FOXK2: variants seen among roughly 807,000 people sequenced by gnomAD.
The protein encoded by FOXK2 is forkhead box K2.
Under a neutral mutation model 53.3 loss-of-function variants are expected in FOXK2, and 24 were observed. The observed-to-expected ratio is 0.45, with a 90% CI of 0.33 to 0.63. FOXK2 has a LOEUF of 0.63. Among genes scored for constraint, FOXK2 ranks in the 30% least tolerant of loss-of-function variants. The pLI is 0.03. For missense variants in FOXK2, 952 were observed against 910.5 expected, an observed-to-expected ratio of 1.05 and a Z score of -0.59; for synonymous variants, 505 against 407.1, an observed-to-expected ratio of 1.24 and a Z score of -2.89.
rs1237154764 is a variant in FOXK2 at position 82,602,860 on chromosome 17, C to CTTAG, written c.*1363_*1364insAGTT. The CTTAG allele has an allele frequency of 6.6e-6, 1 of 152,172 alleles. No individual in the cohort carries two copies. Among genetic ancestry groups the CTTAG allele is most frequent in the African/African-American group, 2.4e-5 (1 of 41,394 alleles). The allele number at this position is 152,172 out of a possible 1,614,324, so 9.4% of individuals were successfully genotyped here. A position where few individuals can be genotyped will look rare whatever the true frequency, so the allele number is the denominator to read the frequency against. The stretch of plus-strand genomic sequence containing the variant: ...AGAGGGCGTCAGCCTGATGGCTGAG[C>CTTAG]TTTTAAATGTCATCATCATAACATT... On this transcript the variant is annotated 3_prime_UTR_variant, in exon 9 of 9. Transcript: ENST00000335255.
intron 1 of FOXK2, among the ~76,000 whole-genome samples, chr17:82,525,125 G>A (rs2044404025): frequency 6.6e-6 from 1 of 151,804 alleles, no homozygotes; most frequent in African/African-American, 2.4e-5. Context: ...ACAGATGCCC[G>A]CCACCATGCC....
At chr17:82,585,847 C>T in intron 6 of FOXK2, 57 bp from the exon 7 acceptor site, 6 of 1,553,980 alleles carry the variant, frequency 3.9e-6, no homozygotes, top group South Asian at 1.2e-5. Flanking sequence ...AGTGTGAGAA[C>T]CTTTGTTTGT....
chr17:82,553,699 G>A (rs889212153), intron 1 of FOXK2, among the ~76,000 whole-genome samples: 2 of 152,198 alleles, frequency 1.3e-5, no homozygotes, highest in Admixed American at 1.3e-4. Flanking sequence ...GAGCCCTTAA[G>A]ACATGAACCA....
intron 4 of FOXK2, among the ~76,000 whole-genome samples, chr17:82,573,761 C>A (rs2044950043): frequency 6.6e-6 from 1 of 152,202 alleles, no homozygotes. Context: ...TTACCTGGGG[C>A]TTTGTCAGTG....
At chr17:82,584,582 A>T (rs1279404626) in intron 6 of FOXK2, among the ~76,000 whole-genome samples, 3 of 118,624 alleles carry the variant, frequency 2.5e-5, no homozygotes, top group Non-Finnish European at 4.9e-5. Flanking sequence ...TTTGAGACAG[A>T]GTCTCACTTT....
intron 3 of FOXK2, 78 bp downstream of exon 3, chr17:82,568,279 A>G (rs992358421): frequency 6.5e-6 from 10 of 1,538,780 alleles, no homozygotes; most frequent in African/African-American, 2.8e-5. Flanking sequence ...CCTGCCTGTC[A>G]CTCACCTGCC....
At chr17:82,529,194 T>A (rs2044447218) in intron 1 of FOXK2, among the ~76,000 whole-genome samples, 1 of 151,818 alleles carries the variant, frequency 6.6e-6, no homozygotes, top group Non-Finnish European at 1.5e-5. Flanking sequence ...CCAAAGCATC[T>A]GTTCAAATTA....
chr17:82,556,271 C>G (rs575832439), intron 1 of FOXK2, among the ~76,000 whole-genome samples: 68 of 152,032 alleles, frequency 4.5e-4, no homozygotes, highest in Non-Finnish European at 7.9e-4. Context: ...TGGTGAAACC[C>G]CATCTCTACT....
rs547409117 is a variant in FOXK2, at chr17:82,601,800, G to A, written c.*301G>A. 414 of 288,634 alleles carry A rather than the reference G, an allele frequency of 1.4e-3. No individual in the cohort carries two copies. The highest frequency in any genetic ancestry group is 2.1e-3 in the Non-Finnish European group (319 of 151,196). The allele number at this position is 288,634 out of a possible 1,614,324, so 17.9% of individuals were successfully genotyped here. A position where few individuals can be genotyped will look rare whatever the true frequency, so the allele number is the denominator to read the frequency against. ...GGACCAGGCATCGCTGTGTGAGGAC[G>A]GCACGGCCAGCGCCTGCTGTGAGTG... On this transcript the variant is annotated 3_prime_UTR_variant, in exon 9 of 9. Transcript: ENST00000335255.
intron 8 of FOXK2, among the ~76,000 whole-genome samples, chr17:82,594,760 G>A (rs2045293021): frequency 6.6e-6 from 1 of 152,200 alleles, no homozygotes; most frequent in African/African-American, 2.4e-5. Context: ...AAAGGAGTAG[G>A]AACAGCTGGG....
chr17:82,543,678 G>A (rs540880255), intron 1 of FOXK2, among the ~76,000 whole-genome samples: 4 of 151,908 alleles, frequency 2.6e-5, no homozygotes, highest in African/African-American at 7.2e-5. Flanking sequence ...GTGCAGTGGT[G>A]TGATCATGGC....
chr17:82,552,945 T>C (rs1269008494), intron 1 of FOXK2, among the ~76,000 whole-genome samples: 5 of 152,208 alleles, frequency 3.3e-5, no homozygotes, highest in African/African-American at 9.7e-5. Context: ...TTTCTTTCTT[T>C]TTTATTTTTG....
At chr17:82,595,510 T>C (rs2045300918) in intron 8 of FOXK2, among the ~76,000 whole-genome samples, 1 of 152,158 alleles carries the variant, frequency 6.6e-6, no homozygotes, top group Non-Finnish European at 1.5e-5. Context: ...ACCGTGCTGC[T>C]CAGGCTGGTC....
intron 1 of FOXK2, among the ~76,000 whole-genome samples, chr17:82,532,422 G>C (rs2044480705): frequency 6.6e-6 from 1 of 152,092 alleles, no homozygotes; most frequent in African/African-American, 2.4e-5. Flanking sequence ...GGGATTACAG[G>C]CGTGAGCCAC....
At chr17:82,526,955 A>G (rs1419503231) in intron 1 of FOXK2, among the ~76,000 whole-genome samples, 2 of 152,180 alleles carry the variant, frequency 1.3e-5, no homozygotes, top group Non-Finnish European at 2.9e-5. Context: ...TGTTGTTTGA[A>G]GAGCTGAGCA....
intron 8 of FOXK2, among the ~76,000 whole-genome samples, chr17:82,591,424 A>T (rs74000000): frequency 0.065 from 9,857 of 151,832 alleles, 345 homozygotes; most frequent in East Asian, 0.13. Flanking sequence ...AGGGCCCCAA[A>T]CCCTGTGCAG....
intron 2 of FOXK2, 95 bp from the exon 3 acceptor site, chr17:82,567,950 ACATTTCTGT>A: frequency 6.9e-6 from 4 of 579,340 alleles, no homozygotes; most frequent in Non-Finnish European, 9.8e-6. Flanking sequence ...TTTTTTTTTA[ACATTTCTGT>A]ATTTGTTATC....
At chr17:82,571,624 A>C in intron 3 of FOXK2, 100 bp from the exon 4 acceptor site, 1 of 1,223,360 alleles carries the variant, frequency 8.2e-7, no homozygotes, top group Non-Finnish European at 1.1e-6. Flanking sequence ...ATGAGGTATC[A>C]GAGGAACACT....
intron 4 of FOXK2, 105 bp downstream of exon 4, chr17:82,571,975 G>A (rs2044923645): frequency 1.7e-6 from 2 of 1,169,708 alleles, no homozygotes; most frequent in South Asian, 1.9e-5. Context: ...GGTAGAAGGG[G>A]GGGTTGGAGC....
Sources: allele counts gnomAD v4.1 joint callset (sites outside exome capture counted in the v4.1 genomes callset), GRCh38; gene constraint gnomAD v4.1.1; transcripts MANE v1.5; gene names NCBI Gene and HGNC (gene_info 2026-07-23, HGNC 2026-07-21).